Variants in DPP10 observed in about 807,000 individuals in gnomAD.
DPP10 encodes the protein dipeptidyl peptidase like 10, also known as inactive dipeptidyl peptidase 10.
A neutral mutation model predicts 120.9 loss-of-function variants in DPP10; 33 were observed. That is an observed-to-expected ratio of 0.27 (90% CI 0.21 to 0.37). The LOEUF (loss-of-function observed/expected upper bound fraction) is 0.37. DPP10 is among the 10% of genes least tolerant of loss of function. The pLI, the probability that DPP10 is intolerant of heterozygous loss-of-function variation, is 1.00. For missense variants in DPP10, 816 were observed against 942.8 expected, an observed-to-expected ratio of 0.87 and a Z score of 1.76; for synonymous variants, 337 against 326.1, an observed-to-expected ratio of 1.03 and a Z score of -0.36.
At chr2:115,304,175 C>T (rs926758832) in intron 1 of DPP10, among the ~76,000 whole-genome samples, 17 of 151,688 alleles carry the variant, frequency 1.1e-4, no homozygotes, top group African/African-American at 3.9e-4. Context: ...TTTAACAGAA[C>T]GTGAACTGAT....
At chr2:115,351,603 T>A (rs1490623915) in intron 3 of DPP10, among the ~76,000 whole-genome samples, 1 of 152,096 alleles carries the variant, frequency 6.6e-6, no homozygotes, top group Admixed American at 6.6e-5. Flanking sequence ...TAGTTCCTGA[T>A]TCACAGACCA....
chr2:115,725,337 T>G (rs1336702540), intron 7 of DPP10, among the ~76,000 whole-genome samples: 1 of 152,148 alleles, frequency 6.6e-6, no homozygotes, highest in Admixed American at 6.5e-5. Context: ...AAGGATAAAC[T>G]TTGATAATTG....
intron 1 of DPP10, among the ~76,000 whole-genome samples, chr2:114,575,215 G>GA (rs1270774832): frequency 6.6e-6 from 1 of 151,854 alleles, no homozygotes; most frequent in African/African-American, 2.4e-5. Flanking sequence ...GGAAGCAAAA[G>GA]AAAAAAATAA....
At chr2:115,805,665 C>A (rs1575834559) in intron 19 of DPP10, among the ~76,000 whole-genome samples, 1 of 151,470 alleles carries the variant, frequency 6.6e-6, no homozygotes, top group Admixed American at 6.6e-5. Context: ...ACCTCTGCCT[C>A]CTGGGTTCAA....
At chr2:115,334,722 T>C (rs1225588492) in intron 2 of DPP10, among the ~76,000 whole-genome samples, 1 of 152,014 alleles carries the variant, frequency 6.6e-6, no homozygotes, top group Non-Finnish European at 1.5e-5. Flanking sequence ...ATTTTTTGTT[T>C]GTCTGAAAGT....
intron 4 of DPP10, among the ~76,000 whole-genome samples, chr2:115,522,194 T>C (rs946419279): frequency 6.6e-6 from 1 of 152,214 alleles, no homozygotes; most frequent in Non-Finnish European, 1.5e-5. Flanking sequence ...GCTACTGTGC[T>C]CTTTTAAATA....
At chr2:114,447,724 T>C (rs1678024335) in intron 1 of DPP10, among the ~76,000 whole-genome samples, 1 of 151,604 alleles carries the variant, frequency 6.6e-6, no homozygotes, top group Admixed American at 6.6e-5. Context: ...GCAACTGATT[T>C]CACCAGTGAG....
intron 5 of DPP10, among the ~76,000 whole-genome samples, chr2:115,645,897 G>A (rs985699146): frequency 6.6e-6 from 1 of 152,112 alleles, no homozygotes; most frequent in Non-Finnish European, 1.5e-5. Flanking sequence ...TCATGATGAC[G>A]AGGTAACAAT....
At chr2:115,841,713 A>G (rs13428765) in intron 25 of DPP10, among the ~76,000 whole-genome samples, 227 of 152,344 alleles carry the variant, frequency 1.5e-3, no homozygotes, top group African/African-American at 5.3e-3. Flanking sequence ...AGAAACAGTA[A>G]CAATTTTGTT....
intron 1 of DPP10, among the ~76,000 whole-genome samples, chr2:114,908,513 C>T (rs1694139139): frequency 6.6e-6 from 1 of 151,866 alleles, no homozygotes; most frequent in Non-Finnish European, 1.5e-5. Context: ...GAATTAGCAT[C>T]AGACTTATAC....
chr2:114,671,096 ATAGTTATTGATATC>A (rs1558988907), intron 1 of DPP10, among the ~76,000 whole-genome samples: 1 of 152,164 alleles, frequency 6.6e-6, no homozygotes, highest in African/African-American at 2.4e-5. Context: ...TGGCTAAACT[ATAGTTATTGATATC>A]TAGTTATTGA....
At chr2:114,674,273 A>G (rs943332729) in intron 1 of DPP10, among the ~76,000 whole-genome samples, 3 of 151,968 alleles carry the variant, frequency 2.0e-5, no homozygotes, top group African/African-American at 7.2e-5. Flanking sequence ...TGTTTCACTT[A>G]TCATTATAAC....
At chr2:115,313,309 G>T (rs1390836664) in intron 2 of DPP10, among the ~76,000 whole-genome samples, 1 of 152,174 alleles carries the variant, frequency 6.6e-6, no homozygotes, top group African/African-American at 2.4e-5. Context: ...TATGGCTTCA[G>T]TGTTTCATTG....
intron 3 of DPP10, among the ~76,000 whole-genome samples, chr2:115,485,082 A>G (rs762253591): frequency 7.9e-5 from 12 of 152,162 alleles, no homozygotes; most frequent in Middle Eastern, 3.4e-3. Context: ...AAACAAACAA[A>G]CGAACAAATA....
At chr2:114,942,284 T>C (rs11898617) in intron 1 of DPP10, among the ~76,000 whole-genome samples, 3 of 132,578 alleles carry the variant, frequency 2.3e-5, no homozygotes, top group East Asian at 4.2e-4. Flanking sequence ...AAAAAAAAAA[T>C]GTGTATATAT....
chr2:115,268,278 GA>G (rs201159558), intron 1 of DPP10, among the ~76,000 whole-genome samples: 2,337 of 151,946 alleles, frequency 0.015, 77 homozygotes, highest in African/African-American at 0.054. Flanking sequence ...GTTTATAGGG[GA>G]AAAAAAATTA....
intron 1 of DPP10, among the ~76,000 whole-genome samples, chr2:114,443,044 T>G (rs1403448244): frequency 6.6e-6 from 1 of 151,916 alleles, no homozygotes; most frequent in Non-Finnish European, 1.5e-5. Flanking sequence ...TCTTTCATCT[T>G]CATGACTTTT....
At chr2:115,323,296 C>T (rs533053548) in intron 2 of DPP10, among the ~76,000 whole-genome samples, 25 of 152,268 alleles carry the variant, frequency 1.6e-4, no homozygotes, top group Middle Eastern at 3.4e-3. Flanking sequence ...AAAAACTCCT[C>T]GTTCATTCAA....
At position 115,343,876 on chromosome 2, in the gene DPP10, T is replaced by G; in HGVS notation, c.235T>G (p.Phe79Val). 1 of 1,612,320 alleles carries G rather than the reference T, an allele frequency of 6.2e-7. No homozygotes were observed. ...LSLEDLFRKD[F>V]VLHDPEARWI... ...TTTGGAAGACCTCTTTAGGAAAGAC[T>G]TTGTGCTTCACGATCCAGAGGCTCG... is the stretch of plus-strand genomic sequence containing the variant. Residue 79 changes from phenylalanine to valine, a missense_variant, in exon 3 of 26, where the codon TTT (phenylalanine) becomes GTT (valine). By Grantham distance (50) the Phe-to-Val change is conservative. Transcript: ENST00000410059.
Sources: gnomAD v4.1 joint callset for allele counts (sites outside exome capture counted in the v4.1 genomes callset) on GRCh38, gnomAD v4.1.1 for gene constraint, MANE v1.5 for transcripts, NCBI Gene and HGNC (gene_info 2026-07-23, HGNC 2026-07-21) for gene names.